The following STK17A variants were observed in gnomAD, a reference collection of about 807,000 sequenced individuals.
The protein encoded by STK17A is serine/threonine kinase 17a.
In STK17A, 26 loss-of-function variants were observed where a neutral mutation model predicts 43.7. The ratio of observed to expected loss-of-function variants is 0.60; its 90% CI spans 0.44 to 0.83. The LOEUF is 0.83. Ranked by LOEUF, STK17A falls within the 40% of genes least tolerant of loss-of-function variation. The pLI is 0.00. For synonymous variants in STK17A, 191 were observed against 182.5 expected, an observed-to-expected ratio of 1.05 and a Z score of -0.38; for missense variants, 476 against 511.6, an observed-to-expected ratio of 0.93 and a Z score of 0.67.
chr7:43,613,748 G>A (rs950175906), intron 3 of STK17A, among the ~76,000 whole-genome samples: 1 of 152,196 alleles, frequency 6.6e-6, no homozygotes, highest in African/African-American at 2.4e-5. Flanking sequence ...GGAAGCTGAG[G>A]TGGGAGGATT....
At chr7:43,584,303 G>C (rs2082424355) in intron 1 of STK17A, among the ~76,000 whole-genome samples, 1 of 152,218 alleles carries the variant, frequency 6.6e-6, no homozygotes, top group African/African-American at 2.4e-5. Context: ...TTTGGGGGCA[G>C]ACCTGAGTTC....
In STK17A at chr7:43,626,754, A is replaced by G. The variant is rs1050190743; in HGVS notation, c.*1912A>G. The G allele has an allele frequency of 6.6e-6, 1 of 152,202 alleles. No homozygotes were observed. Among genetic ancestry groups the G allele is most frequent in the Non-Finnish European group, 1.5e-5 (1 of 68,036 alleles). 9.4% of individuals were successfully genotyped at this position (152,202 alleles called of 1,614,324 possible). A position where few individuals can be genotyped will look rare whatever the true frequency, so the allele number is the denominator to read the frequency against. ...GAATCATTTGGGCTTTTTAAAAACC[A>G]TTTTATACTCGTAATAAATATATTT... On this transcript the variant is annotated 3_prime_UTR_variant, in exon 7 of 7. Transcript: ENST00000319357.
rs1186313124 is a variant in STK17A, at chr7:43,624,823, CAGG to C, written c.1229_1231del (p.Gly410del). On this transcript the variant is annotated inframe_deletion, in exon 7 of 7. Coordinates refer to ENST00000319357, the MANE Select transcript of STK17A (RefSeq NM_004760.3). Reference sequence around the variant, plus strand: ...GAGGAACCTTTGCTACAAGAAATTCCAGGAGAATTTATCTACTGAGCAATATTT... The same window carrying C: ...GAGGAACCTTTGCTACAAGAAATTCCAGAATTTATCTACTGAGCAATATTT... The C allele has an allele frequency of 1.2e-6, 2 of 1,601,854 alleles. No individual in the cohort carries two copies. The highest frequency in any genetic ancestry group is 1.7e-5 in the Admixed American group (1 of 58,330).
chr7:43,613,783 G>A (rs2083089495), intron 3 of STK17A, among the ~76,000 whole-genome samples: 1 of 152,200 alleles, frequency 6.6e-6, no homozygotes, highest in Non-Finnish European at 1.5e-5. Flanking sequence ...GTTCGAGGCT[G>A]CAGTGGGCTA....
In STK17A at chr7:43,624,929, G is replaced by A; in HGVS notation, c.*87G>A. ...CCTCTGGCCAAATGGTACATGTACTGGAAGTGGATAACCAGTATCACTTAC... is the reference window on the plus strand; with the variant it reads ...CCTCTGGCCAAATGGTACATGTACTAGAAGTGGATAACCAGTATCACTTAC... On this transcript the variant is annotated 3_prime_UTR_variant, in exon 7 of 7. Coordinates refer to ENST00000319357, the MANE Select transcript of STK17A (RefSeq NM_004760.3). 8.4e-7 allele frequency: 1 copy of A among 1,186,504 alleles called. No homozygotes were observed. The highest frequency in any genetic ancestry group is 1.2e-6 in the Non-Finnish European group (1 of 853,572). The allele number at this position is 1,186,504 out of a possible 1,614,324, so 73.5% of individuals were successfully genotyped here. A position where few individuals can be genotyped will look rare whatever the true frequency, so the allele number is the denominator to read the frequency against.
rs1052290200 is a variant in STK17A, at chr7:43,625,059, A to G, written c.*217A>G. On this transcript the variant is annotated 3_prime_UTR_variant, in exon 7 of 7. Coordinates refer to ENST00000319357, the MANE Select transcript of STK17A (RefSeq NM_004760.3). ...AGGTACAGTTACCCGTTTCAATGTT[A>G]TTTTTAAGAAGGGAGATGTTGGCAC... is the stretch of plus-strand genomic sequence containing the variant. 1.0e-4 allele frequency: 37 copies of G among 368,360 alleles called. No individual in the cohort carries two copies. The highest frequency in any genetic ancestry group is 7.1e-4 in the Middle Eastern group (1 of 1,400). The allele number at this position is 368,360 out of a possible 1,614,324, so 22.8% of individuals were successfully genotyped here.
Position 43,601,185 on chromosome 7 carries a change from G to A in STK17A, c.419+5072G>A, listed in dbSNP as rs566180252. ...TATTTAAAAGTTTATAGCGGGTGAA[G>A]TCTGGATGGCTAAAATATTAAGCAT... On this transcript the variant is annotated intron_variant, in intron 2 of 6. Coordinates refer to ENST00000319357, the MANE Select transcript of STK17A (RefSeq NM_004760.3). 2.0e-5 allele frequency among the ~76,000 whole-genome samples: 3 copies of A among 152,312 alleles called. No homozygotes were observed. In the South Asian group the frequency reaches 6.2e-4, roughly 32 times the overall value.
At chr7:43,597,433 G>C (rs2082524729) in intron 2 of STK17A, among the ~76,000 whole-genome samples, 1 of 151,718 alleles carries the variant, frequency 6.6e-6, no homozygotes, top group East Asian at 1.9e-4. Context: ...TTGTTGCCCA[G>C]ACTGGAGTGC....
Position 43,583,339 on chromosome 7 carries a change from G to A in STK17A, c.96G>A (p.Arg32=). 1.4e-6 allele frequency: 2 copies of A among 1,426,484 alleles called. No individual in the cohort carries two copies. Among genetic ancestry groups the A allele is most frequent in the Non-Finnish European group, 9.2e-7 (1 of 1,088,556 alleles). The allele number at this position is 1,426,484 out of a possible 1,614,324, so 88.4% of individuals were successfully genotyped here. Residue 32 remains arginine, a synonymous_variant, in exon 1 of 7, where the codon CGG becomes CGA. Coordinates refer to ENST00000319357, the MANE Select transcript of STK17A (RefSeq NM_004760.3). ...GCCGGGGTCTGAGCGGGCCGTGCCG[G>A]CCGCCGCCGCCGCCCCAGGCCCGCG... The part of the protein sequence containing the change: ...RAGRGLSGPC[R]PPPPPQARGL...
chr7:43,610,908 G>A (rs895479889), intron 3 of STK17A, among the ~76,000 whole-genome samples: 2 of 152,128 alleles, frequency 1.3e-5, no homozygotes, highest in Admixed American at 6.5e-5. Context: ...CTTGAGGTCA[G>A]GAGTTTGAGA....
At chr7:43,623,948 T>TA in intron 6 of STK17A, 60 bp downstream of exon 6, 1 of 1,213,416 alleles carries the variant, frequency 8.2e-7, no homozygotes, top group South Asian at 2.7e-5. Flanking sequence ...AATTCAGTAT[T>TA]AAAAAACTGA....
chr7:43,622,705 GTTTTTTT>G (rs33923943), intron 4 of STK17A: 4 of 146,882 alleles, frequency 2.7e-5, no homozygotes, highest in Non-Finnish European at 4.5e-5. Flanking sequence ...TTTTGTTTTT[GTTTTTTT>G]TTTTGTGAGA....
chr7:43,607,010 G>T (rs1383895045), intron 2 of STK17A, among the ~76,000 whole-genome samples: 1 of 125,752 alleles, frequency 8.0e-6, no homozygotes, highest in Non-Finnish European at 1.6e-5. Context: ...CCCAACTTCT[G>T]CCTCCCAGGT....
intron 2 of STK17A, among the ~76,000 whole-genome samples, chr7:43,598,373 C>T (rs752539019): frequency 2.0e-5 from 3 of 150,242 alleles, no homozygotes; most frequent in Admixed American, 1.3e-4. Context: ...AGGAGGCTGA[C>T]GCAGGAGAAT....
Position 43,596,069 on chromosome 7 carries a change from T to A in STK17A, c.375T>A (p.His125Gln), listed in dbSNP as rs1388776530. Reference protein sequence around the residue: ...AQDNPWVINLHEVYETASEMI... With the variant: ...AQDNPWVINLQEVYETASEMI... ...ACAATCCTTGGGTCATTAATTTACA[T>A]GAAGTTTATGAGACTGCATCAGAAA... Residue 125 changes from histidine (H) to glutamine (Q), a missense_variant, in exon 2 of 7, where the codon CAT becomes CAA. Physicochemically the swap from His to Gln is conservative, Grantham distance 24. Transcript: ENST00000319357. 14 of 1,613,286 alleles carry A rather than the reference T, an allele frequency of 8.7e-6. No homozygotes were observed. The highest frequency in any genetic ancestry group is 1.2e-5 in the Non-Finnish European group (14 of 1,179,762).
At chr7:43,601,712 A>G (rs902279181) in intron 2 of STK17A, among the ~76,000 whole-genome samples, 1 of 152,026 alleles carries the variant, frequency 6.6e-6, no homozygotes, top group African/African-American at 2.4e-5. Flanking sequence ...CCTCTTGGTC[A>G]TCCTCTGCAA....
chr7:43,604,349 C>G (rs2082575163), intron 2 of STK17A, among the ~76,000 whole-genome samples: 3 of 152,076 alleles, frequency 2.0e-5, no homozygotes, highest in Admixed American at 6.6e-5. Flanking sequence ...GGAGTGCTTC[C>G]TGGAGGAGGA....
In STK17A at chr7:43,624,857, T is replaced by C. The variant is rs1314952234; in HGVS notation, c.*15T>C. 1 of 1,566,334 alleles carries C rather than the reference T, an allele frequency of 6.4e-7. No individual in the cohort carries two copies. Among genetic ancestry groups the C allele is most frequent in the South Asian group, 1.2e-5 (1 of 82,972 alleles). On this transcript the variant is annotated 3_prime_UTR_variant, in exon 7 of 7. Transcript: ENST00000319357. ...TTATCTACTGAGCAATATTTCCCTT[T>C]AGAACTTCAAGATTTCTACATTGAA...
chr7:43,598,583 C>T (rs1190953491), intron 2 of STK17A, among the ~76,000 whole-genome samples: 2 of 151,818 alleles, frequency 1.3e-5, no homozygotes, highest in Non-Finnish European at 2.9e-5. Flanking sequence ...TGAAATACTA[C>T]GACAAACAAC....
Sources: allele counts gnomAD v4.1 joint callset (sites outside exome capture counted in the v4.1 genomes callset), GRCh38; gene constraint gnomAD v4.1.1; transcripts MANE v1.5; gene names NCBI Gene and HGNC (gene_info 2026-07-23, HGNC 2026-07-21).